SHROOM4: variants seen among roughly 807,000 people sequenced by gnomAD.
The protein encoded by SHROOM4 is protein Shroom4.
In SHROOM4, 17 loss-of-function variants were observed where a neutral mutation model predicts 80.3. The observed-to-expected ratio is 0.21, with a 90% CI of 0.14 to 0.32. The LOEUF is 0.32. Ranked by LOEUF, SHROOM4 falls within the 10% of genes least tolerant of loss-of-function variation. The pLI is 1.00. For missense variants in SHROOM4, 993 were observed against 1,140.3 expected (o/e 0.87, Z 1.86); for synonymous variants, 400 against 437.5 (o/e 0.91, Z 1.07).
intron 2 of SHROOM4, among the ~76,000 whole-genome samples, chrX:50,695,232 T>C (rs1275676454): frequency 5.3e-5 from 6 of 112,402 alleles, no homozygotes; most frequent in Non-Finnish European, 1.1e-4. Flanking sequence ...CAGTGATCTC[T>C]TTCTCTAACA....
At chrX:50,641,420 A>G (rs1931592903) in intron 2 of SHROOM4, among the ~76,000 whole-genome samples, 1 of 112,030 alleles carries the variant, frequency 8.9e-6, no homozygotes, top group South Asian at 3.8e-4. Context: ...AGTATTCTCA[A>G]AGCATCTGGG....
At position 50,633,924 on chromosome X, in the gene SHROOM4, C is replaced by G. The variant is rs781817109; in HGVS notation, c.2149G>C (p.Ala717Pro). ...PSSSDPEKAH[A>P]HCGVRGGHWR... ...TGACCTCCACGGACTCCACAGTGAG[C>G]ATGTGCTTTCTCAGGGTCTGAGGAG... The change falls in exon 4 of 9, where the codon GCT becomes CCT. Residue 717 changes from alanine to proline, a missense_variant. Physicochemically the swap from Ala to Pro is conservative, Grantham distance 27. Coordinates refer to ENST00000376020, the MANE Select transcript of SHROOM4 (RefSeq NM_020717.5). 1.7e-6 allele frequency: 2 copies of G among 1,211,751 alleles called. No homozygotes were observed. Among genetic ancestry groups the G allele is most frequent in the Non-Finnish European group, 2.2e-6 (2 of 895,505 alleles).
chrX:50,773,000 G>C (rs1326847850), intron 1 of SHROOM4, among the ~76,000 whole-genome samples: 2 of 112,017 alleles, frequency 1.8e-5, no homozygotes, highest in Non-Finnish European at 3.8e-5. Context: ...ACAGAAAACA[G>C]GTTGCCAAAT....
intron 7 of SHROOM4, 66 bp from the exon 8 acceptor site, chrX:50,598,601 T>G: frequency 8.9e-7 from 1 of 1,118,799 alleles, no homozygotes; most frequent in South Asian, 1.9e-5. Flanking sequence ...GATTTGTGCC[T>G]GTAACCTCTG....
chrX:50,602,217 G>A (rs1987772698), intron 7 of SHROOM4, among the ~76,000 whole-genome samples: 1 of 108,761 alleles, frequency 9.2e-6, no homozygotes, highest in Admixed American at 9.8e-5. Flanking sequence ...TCAGCCTCCC[G>A]AGCAGCTGAG....
In SHROOM4 at chrX:50,765,830, T is replaced by C. The variant is rs1422631627; in HGVS notation, c.117+48072A>G. Among the ~76,000 whole-genome samples, 3 of 111,928 alleles carry C rather than the reference T, an allele frequency of 2.7e-5. No individual in the cohort carries two copies. The Admixed American group carries it at 2.8e-4, about 11-fold the overall frequency. The stretch of plus-strand genomic sequence containing the variant: ...TTAAACTTTCTGCAGGCCCAAACAA[T>C]GAAAGAACCAATGCCTCCTAACATT... On this transcript the variant is annotated intron_variant, in intron 1 of 8. Coordinates refer to ENST00000376020, the MANE Select transcript of SHROOM4 (RefSeq NM_020717.5).
intron 2 of SHROOM4, chrX:50,649,882 G>A (rs1931975107): frequency 8.9e-6 from 1 of 112,004 alleles, no homozygotes; most frequent in Admixed American, 9.5e-5. Context: ...TCCACTCCTA[G>A]GATTTTATCC....
At chrX:50,644,464 C>G (rs1236423021) in intron 2 of SHROOM4, among the ~76,000 whole-genome samples, 1 of 112,228 alleles carries the variant, frequency 8.9e-6, no homozygotes, top group African/African-American at 3.2e-5. Flanking sequence ...GCGCAGTAGC[C>G]AGAATCCAGA....
intron 1 of SHROOM4, among the ~76,000 whole-genome samples, chrX:50,807,491 G>C (rs973978333): frequency 5.4e-5 from 6 of 111,717 alleles, no homozygotes; most frequent in African/African-American, 2.0e-4. Flanking sequence ...CTTCAATCTT[G>C]GAGACAACTA....
At chrX:50,776,794 T>C (rs998743181) in intron 1 of SHROOM4, among the ~76,000 whole-genome samples, 2 of 109,115 alleles carry the variant, frequency 1.8e-5, no homozygotes, top group East Asian at 5.8e-4. Context: ...GCTCAAGCCA[T>C]CCTCCCACCC....
At chrX:50,795,900 G>C (rs1411835758) in intron 1 of SHROOM4, among the ~76,000 whole-genome samples, 1 of 111,875 alleles carries the variant, frequency 8.9e-6, no homozygotes, top group Non-Finnish European at 1.9e-5. Context: ...AAATCACTTA[G>C]AACAGTGGCA....
Position 50,593,214 on chromosome X carries a change from CAT to C in SHROOM4, c.*3479_*3480del, listed in dbSNP as rs1928950550. ...TTAGGGATGTGGGTAAGGGTCTGGTCATATGTTTATCTGTGAAGGACTATGGA... is the reference window on the plus strand; with the variant it reads ...TTAGGGATGTGGGTAAGGGTCTGGTCATGTTTATCTGTGAAGGACTATGGA... On this transcript the variant is annotated 3_prime_UTR_variant, in exon 9 of 9. Coordinates refer to ENST00000376020, the MANE Select transcript of SHROOM4 (RefSeq NM_020717.5). 8.9e-6 allele frequency: 1 copy of C among 112,044 alleles called. No homozygotes were observed. Among genetic ancestry groups the C allele is most frequent in the Non-Finnish European group, 1.9e-5 (1 of 53,171 alleles). The allele number at this position is 112,044 out of a possible 1,213,427, so 9.2% of individuals were successfully genotyped here. A position where few individuals can be genotyped will look rare whatever the true frequency, so the allele number is the denominator to read the frequency against.
rs1033457017 is a variant in SHROOM4, at chrX:50,805,415, A to G, written c.117+8487T>C. ...TGAGTGGCATTAGGGTGGGGGACAG[A>G]AGACACCACAAAGGGGCTGTTCGTA... On this transcript the variant is annotated intron_variant, in intron 1 of 8. Transcript: ENST00000376020. Among the ~76,000 whole-genome samples the G allele has an allele frequency of 7.2e-5, 8 of 111,866 alleles. No individual in the cohort carries two copies. In the Admixed American group the frequency reaches 7.6e-4, roughly 11 times the overall value.
intron 1 of SHROOM4, among the ~76,000 whole-genome samples, chrX:50,718,156 T>C (rs1253956566): frequency 9.0e-6 from 1 of 111,712 alleles, no homozygotes; most frequent in East Asian, 2.8e-4. Flanking sequence ...AAGCCACTTG[T>C]CCCTACTCTC....
In SHROOM4 at chrX:50,784,049, C is replaced by T. The variant is rs183526896; in HGVS notation, c.117+29853G>A. On this transcript the variant is annotated intron_variant, in intron 1 of 8. Transcript: ENST00000376020. ...CATATGGGTTAATGTTACACAACGG[C>T]GTCGCCAAAAATAGATCCATATGTA... Among the ~76,000 whole-genome samples, 14 of 112,183 alleles carry T rather than the reference C, an allele frequency of 1.2e-4. No homozygotes were observed. The East Asian group carries it at 2.8e-3, about 22-fold the overall frequency.
chrX:50,643,312 G>C (rs1272048185), intron 2 of SHROOM4: 2 of 112,024 alleles, frequency 1.8e-5, no homozygotes, highest in African/African-American at 6.5e-5. Flanking sequence ...ACCTACCATG[G>C]AAGTTGCCCA....
At chrX:50,629,826 C>A (rs1275711405) in intron 4 of SHROOM4, among the ~76,000 whole-genome samples, 1 of 111,490 alleles carries the variant, frequency 9.0e-6, no homozygotes, top group Non-Finnish European at 1.9e-5. Flanking sequence ...GCATTAGGAG[C>A]AGGATCTCAG....
In SHROOM4 at chrX:50,621,341, T is replaced by C. The variant is rs187678426; in HGVS notation, c.2957+6273A>G. ...CATATGGTTTTGATAATTGTTGTTT[T>C]ATGATACGCTTTAAAATCTGATAGG... On this transcript the variant is annotated intron_variant, in intron 5 of 8. Coordinates refer to ENST00000376020, the MANE Select transcript of SHROOM4 (RefSeq NM_020717.5). Among the ~76,000 whole-genome samples the C allele has an allele frequency of 5.4e-5, 6 of 111,863 alleles. No homozygotes were observed. In the Admixed American group the frequency reaches 5.7e-4, roughly 11 times the overall value.
chrX:50,717,805 T>C (rs1390076308), intron 1 of SHROOM4, among the ~76,000 whole-genome samples: 1 of 112,044 alleles, frequency 8.9e-6, no homozygotes, highest in Admixed American at 9.4e-5. Context: ...AAGGAAAATT[T>C]CCAGAGAGAT....
Sources: allele counts gnomAD v4.1 joint callset (sites outside exome capture counted in the v4.1 genomes callset), GRCh38; gene constraint gnomAD v4.1.1; transcripts MANE v1.5; gene names NCBI Gene and HGNC (gene_info 2026-07-23, HGNC 2026-07-21).